The following B4GALNT3 variants were observed in gnomAD, a reference collection of about 807,000 sequenced individuals.
B4GALNT3 encodes the protein beta-1,4-N-acetylgalactosaminyltransferase 3.
Under a neutral mutation model 120.2 loss-of-function variants are expected in B4GALNT3, and 86 were observed. That is an observed-to-expected ratio of 0.72 (90% CI 0.60 to 0.86). B4GALNT3 has a LOEUF of 0.86. Among genes scored for constraint, B4GALNT3 ranks in the 40% least tolerant of loss-of-function variants. The probability of loss-of-function intolerance (pLI) is 0.00; values close to 1 mark genes in which losing one functional copy is unlikely to be tolerated. For missense variants in B4GALNT3, 1,167 were observed against 1,298.9 expected (o/e 0.90, Z 1.56); for synonymous variants, 518 against 510.4 (o/e 1.01, Z -0.20).
chr12:549,170 G>A (rs571513130), intron 9 of B4GALNT3, among the ~76,000 whole-genome samples: 173 of 152,234 alleles, frequency 1.1e-3, no homozygotes, highest in Non-Finnish European at 1.8e-3. Context: ...CATGAACCCG[G>A]GAGACAGAGA....
At chr12:540,412 CAG>C (rs1946902241) in intron 3 of B4GALNT3, 1 of 152,228 alleles carries the variant, frequency 6.6e-6, no homozygotes, top group Non-Finnish European at 1.5e-5. Context: ...GCAGGGAACA[CAG>C]GGGAGGGAGC....
In B4GALNT3 at chr12:559,774, C is replaced by T. The variant is rs372836729; in HGVS notation, c.2888+353C>T. ...CATCCTCCCCAGCCCGAGGGTAGTG[C>T]GCCTCCCGTCAGCTGCCGAGCGGGG... On this transcript the variant is annotated intron_variant, in intron 19 of 19. Transcript: ENST00000266383. Among the ~76,000 whole-genome samples, 60 of 152,208 alleles carry T rather than the reference C, an allele frequency of 3.9e-4. No homozygotes were observed. In the South Asian group the frequency reaches 7.3e-3, roughly 18 times the overall value.
chr12:466,870 T>C (rs1407178543), intron 1 of B4GALNT3, among the ~76,000 whole-genome samples: 1 of 152,010 alleles, frequency 6.6e-6, no homozygotes, highest in Non-Finnish European at 1.5e-5. Flanking sequence ...GTGGTTCCTC[T>C]TTTTTTTCAA....
intron 1 of B4GALNT3, among the ~76,000 whole-genome samples, chr12:500,277 G>A (rs531735149): frequency 8.5e-5 from 13 of 152,256 alleles, no homozygotes; most frequent in Admixed American, 4.6e-4. Flanking sequence ...CCAAAGTGTT[G>A]AGATTACAGG....
chr12:518,684 G>A (rs943407035), intron 1 of B4GALNT3, among the ~76,000 whole-genome samples: 6 of 152,166 alleles, frequency 3.9e-5, no homozygotes, highest in Non-Finnish European at 7.3e-5. Flanking sequence ...ACAGGCATGA[G>A]GCACTGTGCC....
chr12:529,370 G>C (rs1249731247), intron 1 of B4GALNT3, among the ~76,000 whole-genome samples: 1 of 152,184 alleles, frequency 6.6e-6, no homozygotes, highest in Non-Finnish European at 1.5e-5. Flanking sequence ...CTACCCCCTT[G>C]TGATGGACTT....
chr12:463,763 CAG>C (rs1178881161), intron 1 of B4GALNT3, among the ~76,000 whole-genome samples: 6 of 152,098 alleles, frequency 3.9e-5, no homozygotes, highest in Non-Finnish European at 7.3e-5. Context: ...CTATTCGAGA[CAG>C]AAAGAGTTAC....
intron 1 of B4GALNT3, among the ~76,000 whole-genome samples, chr12:500,907 A>G (rs1946435877): frequency 1.3e-5 from 1 of 74,142 alleles, no homozygotes; most frequent in African/African-American, 5.7e-5. Context: ...TCACTTTGTC[A>G]CCCAGGCTGG....
rs924306787 is a variant in B4GALNT3 at position 562,250 on chromosome 12, A to G, written c.*799A>G. On this transcript the variant is annotated 3_prime_UTR_variant, in exon 20 of 20. Transcript: ENST00000266383. The surrounding 1 kb of genome is among the most constrained non-coding windows in gnomAD (Gnocchi z 5.2). Reference sequence around the variant, plus strand: ...GCAGAACAGGCAGGGTGATGAAGGCAGGGGAGAGAAGCCCTTTCCCTTACC... The same window carrying G: ...GCAGAACAGGCAGGGTGATGAAGGCGGGGGAGAGAAGCCCTTTCCCTTACC... The G allele has an allele frequency of 1.3e-5, 2 of 152,406 alleles. No individual in the cohort carries two copies. Among genetic ancestry groups the G allele is most frequent in the Non-Finnish European group, 2.9e-5 (2 of 68,148 alleles). 9.4% of individuals were successfully genotyped at this position (152,406 alleles called of 1,614,324 possible). A position where few individuals can be genotyped will look rare whatever the true frequency, so the allele number is the denominator to read the frequency against.
intron 1 of B4GALNT3, among the ~76,000 whole-genome samples, chr12:524,059 T>G (rs866138397): frequency 6.6e-6 from 1 of 152,164 alleles, no homozygotes; most frequent in South Asian, 2.1e-4. Flanking sequence ...AGACTCCATC[T>G]CAAAAACAAA....
intron 1 of B4GALNT3, among the ~76,000 whole-genome samples, chr12:489,838 T>A (rs572982793): frequency 2.0e-5 from 3 of 152,300 alleles, no homozygotes; most frequent in African/African-American, 4.8e-5. Context: ...CATGGAACAT[T>A]TACCAAGATT....
intron 1 of B4GALNT3, among the ~76,000 whole-genome samples, chr12:534,826 C>A (rs1019133099): frequency 2.0e-5 from 3 of 152,192 alleles, no homozygotes; most frequent in African/African-American, 7.2e-5. Flanking sequence ...GACCATCTCT[C>A]CACGGCAGCT....
intron 16 of B4GALNT3, 113 bp from the exon 17 acceptor site, chr12:557,903 C>T (rs1592059942): frequency 6.9e-7 from 1 of 1,458,014 alleles, no homozygotes; most frequent in South Asian, 1.2e-5. Flanking sequence ...GGCTCACCTG[C>T]CCATAATCCC....
chr12:493,596 T>G (rs1946364139), intron 1 of B4GALNT3, among the ~76,000 whole-genome samples: 2 of 18,750 alleles, frequency 1.1e-4, no homozygotes, highest in Admixed American at 3.2e-4. Flanking sequence ...ATAATGGTTT[T>G]TTTTTTTTTT....
chr12:536,449 A>G (rs1317021206), intron 3 of B4GALNT3, among the ~76,000 whole-genome samples, 154 bp downstream of exon 3: 2 of 152,252 alleles, frequency 1.3e-5, no homozygotes. Flanking sequence ...ATAATTCCAG[A>G]GATCACAGAA....
chr12:545,751 A>T (rs1405185603), intron 6 of B4GALNT3, among the ~76,000 whole-genome samples: 23 of 90,506 alleles, frequency 2.5e-4, no homozygotes, highest in East Asian at 1.1e-3. Flanking sequence ...AGTGGGGAGG[A>T]GTGAGGAGTG....
intron 15 of B4GALNT3, 145 bp downstream of exon 15, chr12:557,011 G>A (rs913096838): frequency 5.6e-6 from 5 of 895,512 alleles, no homozygotes; most frequent in Non-Finnish European, 8.2e-6. Context: ...GCTCACAAAA[G>A]GAAAGTCACT....
chr12:546,845 C>T, intron 7 of B4GALNT3, 132 bp downstream of exon 7: 1 of 852,206 alleles, frequency 1.2e-6, no homozygotes, highest in South Asian at 1.6e-5. Flanking sequence ...TCCCGGCAAC[C>T]GGGTCTTTGG....
chr12:478,274 T>TAAAAAA (rs1565589174), intron 1 of B4GALNT3, among the ~76,000 whole-genome samples: 1 of 43,510 alleles, frequency 2.3e-5, no homozygotes, highest in African/African-American at 1.2e-4. Context: ...AAAAAAAAAT[T>TAAAAAA]AGAGGAGGTA....
Sources: gnomAD v4.1 joint callset for allele counts (sites outside exome capture counted in the v4.1 genomes callset) on GRCh38, gnomAD v4.1.1 for gene constraint, Gnocchi (gnomAD v3.1) non-coding constraint, MANE v1.5 for transcripts, NCBI Gene and HGNC (gene_info 2026-07-23, HGNC 2026-07-21) for gene names.